The following PCDHGA9 variants were observed in gnomAD, a reference collection of about 807,000 sequenced individuals.
The protein encoded by PCDHGA9 is protocadherin gamma-A9.
PCDHGA9 carries 37 observed loss-of-function variants against 62.5 expected under a neutral mutation model. That is an observed-to-expected ratio of 0.59 (90% CI 0.46 to 0.78). PCDHGA9 has a LOEUF of 0.78. Among genes scored for constraint, PCDHGA9 ranks in the 30% least tolerant of loss-of-function variants. The pLI is 0.00. For missense variants in PCDHGA9, 1,138 were observed against 1,166.2 expected (o/e 0.98, Z 0.35); for synonymous variants, 459 against 484.6 (o/e 0.95, Z 0.69).
chr5:141,410,287 C>T (rs1277233674), intron 1 of PCDHGA9: 1 of 1,614,018 alleles, frequency 6.2e-7, no homozygotes, highest in East Asian at 2.2e-5. Context: ...TGGTGGTGGC[C>T]TTGGCCTTAA....
At chr5:141,443,330 C>A (rs1005631067) in intron 1 of PCDHGA9, among the ~76,000 whole-genome samples, 44 of 139,282 alleles carry the variant, frequency 3.2e-4, no homozygotes, top group African/African-American at 4.5e-4. Flanking sequence ...AAAAAAAAAA[C>A]AAAAATTAAC....
intron 1 of PCDHGA9, chr5:141,408,761 G>A (rs1469424988): frequency 8.7e-6 from 14 of 1,610,446 alleles, no homozygotes; most frequent in Non-Finnish European, 1.2e-5. Flanking sequence ...AGTTAATTCC[G>A]ATGGTGGCAA....
At chr5:141,441,886 A>C (rs2098281968) in intron 1 of PCDHGA9, 1 of 345,040 alleles carries the variant, frequency 2.9e-6, no homozygotes, top group Non-Finnish European at 5.6e-6. Flanking sequence ...CCTGGTCACC[A>C]AGGTGGTGGC....
rs889285153 is a variant in PCDHGA9, at chr5:141,494,978, T to C, written c.2483+113T>C. ...TGCTACAGATGGCTTCTCCCTCAGT[T>C]TGAGATCCCAGGGAGGTCTTGGTGT... On this transcript the variant is annotated intron_variant, in intron 2 of 3. Transcript: ENST00000573521. 7.6e-6 allele frequency: 12 copies of C among 1,572,974 alleles called. No homozygotes were observed. In the Admixed American group the frequency reaches 1.3e-4, roughly 17 times the overall value.
chr5:141,424,055 C>A, intron 1 of PCDHGA9: 2 of 1,007,784 alleles, frequency 2.0e-6, no homozygotes, highest in Non-Finnish European at 1.2e-6. Context: ...TTTTGCTGTG[C>A]CTTCACTGAT....
chr5:141,488,196 TA>T, intron 1 of PCDHGA9, among the ~76,000 whole-genome samples: 1 of 152,186 alleles, frequency 6.6e-6, no homozygotes, highest in Non-Finnish European at 1.5e-5. Context: ...GTCTGGGTCT[TA>T]GGACTCATAT....
chr5:141,419,968 T>G lies in PCDHGA9; in HGVS notation c.2424+14592T>G, dbSNP rs766617414. ...CCTTGGCCTTGATTTCTGTGCTCTT[T>G]CTCCTCGCGGTGATTCTAGCTATTG... is the stretch of plus-strand genomic sequence containing the variant. On this transcript the variant is annotated intron_variant, in intron 1 of 3. Transcript: ENST00000573521. The G allele has an allele frequency of 6.2e-6, 10 of 1,614,036 alleles. No homozygotes were observed. The South Asian group carries it at 1.1e-4, about 18-fold the overall frequency.
At chr5:141,450,046 G>A (rs1390669307) in intron 1 of PCDHGA9, among the ~76,000 whole-genome samples, 4 of 121,108 alleles carry the variant, frequency 3.3e-5, no homozygotes, top group Admixed American at 1.1e-4. Context: ...TCACTCTTTC[G>A]CCCAGGCTGG....
At chr5:141,413,244 C>T in intron 1 of PCDHGA9, 3 of 1,613,984 alleles carry the variant, frequency 1.9e-6, no homozygotes, top group Non-Finnish European at 2.5e-6. Flanking sequence ...TCTGCCTTTT[C>T]TTCGGGATTC....
chr5:141,423,551 A>T, intron 1 of PCDHGA9: 2 of 1,613,616 alleles, frequency 1.2e-6, no homozygotes, highest in Non-Finnish European at 1.7e-6. Context: ...CCCCAGCCCA[A>T]CTATGGGGAC....
At chr5:141,413,867 T>TTG in intron 1 of PCDHGA9, 1 of 1,613,428 alleles carries the variant, frequency 6.2e-7, no homozygotes, top group Non-Finnish European at 8.5e-7. Flanking sequence ...GGCACTGTCC[T>TTG]TGTCAGTGTG....
At chr5:141,418,409 G>C in intron 1 of PCDHGA9, 4 of 1,613,910 alleles carry the variant, frequency 2.5e-6, no homozygotes, top group Admixed American at 1.7e-5. Context: ...GGTGGAGAAA[G>C]ACAATCCTGA....
chr5:141,444,152 A>AT (rs747671382), intron 1 of PCDHGA9, among the ~76,000 whole-genome samples: 1,130 of 33,890 alleles, frequency 0.033, 460 homozygotes, highest in Non-Finnish European at 0.038. Flanking sequence ...TGTGTACTGG[A>AT]TTTTTTTTTT....
intron 1 of PCDHGA9, chr5:141,418,168 G>T (rs2096233804): frequency 6.2e-7 from 1 of 1,613,946 alleles, no homozygotes. Context: ...GAAGATGTGA[G>T]TTGCAATTGG....
chr5:141,423,456 C>T, intron 1 of PCDHGA9: 1 of 1,613,924 alleles, frequency 6.2e-7, no homozygotes, highest in Non-Finnish European at 8.5e-7. Context: ...ATTTTGTAGG[C>T]GTGGACGGGG....
intron 1 of PCDHGA9, among the ~76,000 whole-genome samples, chr5:141,465,094 G>GT (rs138941665): frequency 0.11 from 15,577 of 148,094 alleles, 909 homozygotes; most frequent in African/African-American, 0.15. Flanking sequence ...TTTTCTAGTA[G>GT]TTTTTTTTTT....
Position 141,490,709 on chromosome 5 carries a change from C to T in PCDHGA9, c.2425-4098C>T. ...GACACTGGGGATAATGCCCGCCTCA[C>T]CTACTCCATTGTAGGAAATCAGGTT... On this transcript the variant is annotated intron_variant, in intron 1 of 3. Transcript: ENST00000573521. This position sits in a 1 kb window ranked among gnomAD's most constrained non-coding sequence, Gnocchi z 5.4. The T allele has an allele frequency of 1.9e-6, 3 of 1,614,218 alleles. No homozygotes were observed. Among genetic ancestry groups the T allele is most frequent in the Non-Finnish European group, 2.5e-6 (3 of 1,180,038 alleles).
chr5:141,418,151 G>A (rs1276817622), intron 1 of PCDHGA9: 4 of 1,613,990 alleles, frequency 2.5e-6, no homozygotes, highest in East Asian at 4.5e-5. Context: ...AATATGCAAA[G>A]AGAGAAGAAG....
At position 141,404,129 on chromosome 5, in the gene PCDHGA9, A is replaced by G. The variant is rs753217773; in HGVS notation, c.1177A>G (p.Thr393Ala). Residue 393 changes from threonine to alanine, a missense_variant, in exon 1 of 4, where the codon ACA (threonine) becomes GCA (alanine). Thr to Ala is a moderately conservative substitution (Grantham distance 58). Transcript: ENST00000573521. ...VCSIQENLSFTLENSEEDYYR... is the reference protein window; with the variant it reads ...VCSIQENLSFALENSEEDYYR... The stretch of plus-strand genomic sequence containing the variant: ...TTCTATCCAGGAGAATCTATCTTTT[A>G]CATTAGAAAATTCAGAAGAAGATTA... 3.7e-6 allele frequency: 6 copies of G among 1,613,162 alleles called. No individual in the cohort carries two copies. The highest frequency in any genetic ancestry group is 5.1e-6 in the Non-Finnish European group (6 of 1,179,426).
Sources: gnomAD v4.1 joint callset for allele counts (sites outside exome capture counted in the v4.1 genomes callset) on GRCh38, gnomAD v4.1.1 for gene constraint, Gnocchi (gnomAD v3.1) non-coding constraint, MANE v1.5 for transcripts, NCBI Gene and HGNC (gene_info 2026-07-23, HGNC 2026-07-21) for gene names.